Variants in PAG1 observed in about 807,000 individuals in gnomAD.
The protein encoded by PAG1 is phosphoprotein associated with glycosphingolipid-enriched microdomains 1.
A neutral mutation model predicts 31.7 loss-of-function variants in PAG1; 23 were observed. That is an observed-to-expected ratio of 0.73 (90% CI 0.52 to 1.03). The LOEUF is 1.03. Ranked by LOEUF, PAG1 falls within the 50% of genes least tolerant of loss-of-function variation. The probability of loss-of-function intolerance (pLI) is 0.00; values close to 1 mark genes in which losing one functional copy is unlikely to be tolerated. For missense variants in PAG1, 473 were observed against 540.7 expected (o/e 0.87, Z 1.24); for synonymous variants, 214 against 210.3 (o/e 1.02, Z -0.15).
At chr8:81,108,158 G>T (rs1168876756) in intron 1 of PAG1, among the ~76,000 whole-genome samples, 2 of 151,854 alleles carry the variant, frequency 1.3e-5, no homozygotes, top group East Asian at 3.9e-4. Context: ...AATAAATCAT[G>T]AACCTCATTC....
intron 3 of PAG1, among the ~76,000 whole-genome samples, chr8:81,008,435 T>G (rs2130649702): frequency 6.6e-6 from 1 of 151,896 alleles, no homozygotes; most frequent in South Asian, 2.1e-4. Flanking sequence ...ACGTTTTTGA[T>G]TCTGTAGCCA....
chr8:81,074,323 T>G (rs1015863495), intron 1 of PAG1, among the ~76,000 whole-genome samples: 1 of 151,990 alleles, frequency 6.6e-6, no homozygotes, highest in Non-Finnish European at 1.5e-5. Context: ...GTGAGGATCA[T>G]GAGGGAAGAG....
At chr8:80,977,165 GAGGAGAGGTGGAGTGGGAAGCTCCTGA>G (rs1257311853) in intron 8 of PAG1, among the ~76,000 whole-genome samples, 2 of 152,228 alleles carry the variant, frequency 1.3e-5, no homozygotes, top group Admixed American at 6.5e-5. Flanking sequence ...CGAGGAATTT[GAGGAGAGGTGGAGTGGGAAGCTCCTGA>G]AGGCCCCGGG....
chr8:81,073,656 T>G (rs1000275645), intron 1 of PAG1, among the ~76,000 whole-genome samples: 2 of 152,200 alleles, frequency 1.3e-5, no homozygotes, highest in Non-Finnish European at 2.9e-5. Context: ...TTAAGGAGAA[T>G]GTCCATATGT....
intron 2 of PAG1, among the ~76,000 whole-genome samples, chr8:81,069,285 C>A (rs1809056758): frequency 6.6e-6 from 1 of 152,182 alleles, no homozygotes; most frequent in Non-Finnish European, 1.5e-5. Flanking sequence ...TTACAAGATT[C>A]CTTTGGTGAA....
chr8:81,103,966 T>C (rs1040449175), intron 1 of PAG1, among the ~76,000 whole-genome samples: 3 of 152,108 alleles, frequency 2.0e-5, no homozygotes, highest in Non-Finnish European at 4.4e-5. Context: ...AAAAGAAAAA[T>C]AAGAAATGAT....
chr8:81,015,274 AG>A (rs1382561548), intron 3 of PAG1, among the ~76,000 whole-genome samples: 2 of 152,226 alleles, frequency 1.3e-5, no homozygotes, highest in Non-Finnish European at 2.9e-5. Flanking sequence ...CAATTTATTA[AG>A]GTTTTTGTTC....
chr8:81,045,047 G>A (rs1808618702), intron 2 of PAG1, among the ~76,000 whole-genome samples: 1 of 152,166 alleles, frequency 6.6e-6, no homozygotes. Flanking sequence ...CTCCTTGAAA[G>A]CAGAGCCATT....
intron 2 of PAG1, among the ~76,000 whole-genome samples, chr8:81,041,785 T>C (rs1808558649): frequency 6.6e-6 from 1 of 152,196 alleles, no homozygotes; most frequent in Non-Finnish European, 1.5e-5. Flanking sequence ...CCAATATTTG[T>C]AGGCCAGGTA....
chr8:81,004,318 T>G (rs1001951887), intron 3 of PAG1, among the ~76,000 whole-genome samples: 11 of 152,232 alleles, frequency 7.2e-5, no homozygotes, highest in African/African-American at 2.2e-4. Context: ...CCATATGTGA[T>G]AAGAGATTCT....
chr8:80,993,813 C>T (rs1807612948), intron 3 of PAG1, among the ~76,000 whole-genome samples: 1 of 151,894 alleles, frequency 6.6e-6, no homozygotes, highest in African/African-American at 2.4e-5. Flanking sequence ...ACCATATTGC[C>T]TACACTGGTC....
At chr8:80,981,126 C>T (rs889905240) in intron 7 of PAG1, among the ~76,000 whole-genome samples, 1 of 152,082 alleles carries the variant, frequency 6.6e-6, no homozygotes, top group South Asian at 2.1e-4. Context: ...GTCCCCTCTC[C>T]ATGTCCACCC....
intron 3 of PAG1, among the ~76,000 whole-genome samples, chr8:81,007,713 A>G (rs181229045): frequency 3.7e-4 from 56 of 151,908 alleles, no homozygotes; most frequent in African/African-American, 1.3e-3. Flanking sequence ...GGAGTCAGGA[A>G]TGTGAGTTCA....
chr8:81,019,056 A>T (rs1429002065), intron 3 of PAG1, among the ~76,000 whole-genome samples: 1 of 152,204 alleles, frequency 6.6e-6, no homozygotes, highest in Admixed American at 6.5e-5. Flanking sequence ...CTTGTTGGGA[A>T]CTGGAGTAAA....
chr8:81,001,083 A>G (rs1173369490), intron 3 of PAG1, among the ~76,000 whole-genome samples: 2 of 152,212 alleles, frequency 1.3e-5, no homozygotes, highest in Non-Finnish European at 2.9e-5. Context: ...GCATCCTATG[A>G]GTCTCACTTC....
intron 1 of PAG1, among the ~76,000 whole-genome samples, chr8:81,073,908 G>T (rs533707619): frequency 1.7e-4 from 26 of 152,020 alleles, no homozygotes; most frequent in African/African-American, 4.4e-4. Context: ...ACCTGAAGGT[G>T]GGGGGGAGGC....
At chr8:80,984,466 T>C (rs143273397) in intron 7 of PAG1, among the ~76,000 whole-genome samples, 1 of 152,148 alleles carries the variant, frequency 6.6e-6, no homozygotes, top group Non-Finnish European at 1.5e-5. Context: ...GTGGGCAAAG[T>C]GTCCAGTTTC....
At chr8:81,045,883 G>T (rs1185804687) in intron 2 of PAG1, among the ~76,000 whole-genome samples, 1 of 152,162 alleles carries the variant, frequency 6.6e-6, no homozygotes, top group Non-Finnish European at 1.5e-5. Context: ...GTATCTGAAA[G>T]AAAACTTGAC....
At chr8:81,002,326 T>C (rs1389893494) in intron 3 of PAG1, among the ~76,000 whole-genome samples, 1 of 152,250 alleles carries the variant, frequency 6.6e-6, no homozygotes, top group Non-Finnish European at 1.5e-5. Context: ...TTCCTACTCG[T>C]GGCTCATGAT....
Sources: allele counts gnomAD v4.1 joint callset (sites outside exome capture counted in the v4.1 genomes callset), GRCh38; gene constraint gnomAD v4.1.1; transcripts MANE v1.5; gene names NCBI Gene and HGNC (gene_info 2026-07-23, HGNC 2026-07-21).